STK39: variants seen among roughly 807,000 people sequenced by gnomAD.
STK39 encodes the protein serine/threonine kinase 39, also known as STE20/SPS1-related proline-alanine-rich protein kinase.
STK39 carries 20 observed loss-of-function variants against 77.8 expected under a neutral mutation model. That is an observed-to-expected ratio of 0.26 (90% CI 0.18 to 0.37). The LOEUF is 0.37. STK39 is among the 10% of genes least tolerant of loss of function. The pLI is 1.00. For missense variants in STK39, 479 were observed against 656.5 expected (o/e 0.73, Z 2.95); for synonymous variants, 246 against 234.1 (o/e 1.05, Z -0.47).
At chr2:168,199,811 C>A (rs1321779727) in intron 1 of STK39, among the ~76,000 whole-genome samples, 1 of 137,716 alleles carries the variant, frequency 7.3e-6, no homozygotes, top group Non-Finnish European at 1.5e-5. Context: ...CCGTGCCTGG[C>A]CATATTTTAA....
intron 14 of STK39, among the ~76,000 whole-genome samples, chr2:168,047,019 A>G (rs1204674572): frequency 6.6e-6 from 1 of 152,204 alleles, no homozygotes; most frequent in African/African-American, 2.4e-5. Context: ...AATGAAGAAA[A>G]AACAACTTAA....
At chr2:168,207,492 C>G (rs2105688502) in intron 1 of STK39, among the ~76,000 whole-genome samples, 1 of 152,250 alleles carries the variant, frequency 6.6e-6, no homozygotes, top group South Asian at 2.1e-4. Flanking sequence ...GAAGATACAG[C>G]AATGAAGAAA....
chr2:168,023,332 T>A (rs1359743628), intron 14 of STK39, among the ~76,000 whole-genome samples: 2 of 152,084 alleles, frequency 1.3e-5, no homozygotes, highest in Admixed American at 1.3e-4. Flanking sequence ...TGCATTAAGT[T>A]TTTCTTCTTG....
chr2:168,163,762 T>C lies in STK39; in HGVS notation c.549A>G (p.Leu183=), dbSNP rs1430329790. 1.2e-6 allele frequency: 2 copies of C among 1,613,860 alleles called. No homozygotes were observed. Among genetic ancestry groups the C allele is most frequent in the African/African-American group, 2.7e-5 (2 of 74,924 alleles). ...ACCTGTGAATCTGACCGTTTCTGTG[T>C]AGATAGTCTAAGCCTTCCAAAACCT... The part of the protein sequence containing the change: ...LKEVLEGLDY[L]HRNGQIHRDL... The change falls in exon 4 of 18, where the codon CTA becomes CTG. Residue 183 remains leucine (L), a synonymous_variant. Transcript: ENST00000355999.
chr2:168,079,503 A>G (rs1267640735), intron 10 of STK39, among the ~76,000 whole-genome samples: 1 of 152,244 alleles, frequency 6.6e-6, no homozygotes, highest in African/African-American at 2.4e-5. Flanking sequence ...TCAAGTGCGC[A>G]TGATGCCTGG....
intron 16 of STK39, among the ~76,000 whole-genome samples, chr2:167,979,750 C>G (rs1683367785): frequency 2.0e-5 from 3 of 152,120 alleles, no homozygotes; most frequent in Admixed American, 2.0e-4. Context: ...GTTCAGAAAC[C>G]CTGACTTTCT....
chr2:168,030,006 C>T (rs759652201), intron 14 of STK39, among the ~76,000 whole-genome samples: 1 of 152,022 alleles, frequency 6.6e-6, no homozygotes, highest in South Asian at 2.1e-4. Flanking sequence ...TTTGGGAGGC[C>T]GAGGTGGGCG....
At chr2:168,167,995 G>C (rs1262154420) in intron 2 of STK39, among the ~76,000 whole-genome samples, 2 of 152,182 alleles carry the variant, frequency 1.3e-5, no homozygotes, top group African/African-American at 4.8e-5. Context: ...GAGAGCGGCA[G>C]GCGAAGTAAA....
At chr2:168,242,331 G>A (rs1364321125) in intron 1 of STK39, among the ~76,000 whole-genome samples, 1 of 151,640 alleles carries the variant, frequency 6.6e-6, no homozygotes, top group Non-Finnish European at 1.5e-5. Flanking sequence ...GGAGGCTGAG[G>A]CAGGCGGGTT....
intron 1 of STK39, among the ~76,000 whole-genome samples, chr2:168,201,646 C>T (rs1689615012): frequency 6.6e-6 from 1 of 152,170 alleles, no homozygotes; most frequent in Admixed American, 6.5e-5. Context: ...GGCCATTTTT[C>T]ATCCCATTCC....
chr2:168,124,512 TG>T, intron 10 of STK39, among the ~76,000 whole-genome samples: 1 of 152,180 alleles, frequency 6.6e-6, no homozygotes, highest in Non-Finnish European at 1.5e-5. Flanking sequence ...ATGATTCTCC[TG>T]CTCAGCCTCC....
chr2:168,048,281 C>T (rs1559072607), intron 14 of STK39, among the ~76,000 whole-genome samples: 2 of 151,224 alleles, frequency 1.3e-5, no homozygotes, highest in Admixed American at 6.6e-5. Context: ...GGCACAATCT[C>T]GGCTCACTGC....
At chr2:168,229,187 T>C (rs1328049087) in intron 1 of STK39, among the ~76,000 whole-genome samples, 2 of 151,786 alleles carry the variant, frequency 1.3e-5, no homozygotes, top group African/African-American at 4.8e-5. Context: ...GGCCAAGATA[T>C]CAGCCTGGCC....
intron 1 of STK39, among the ~76,000 whole-genome samples, chr2:168,226,289 G>A (rs983570177): frequency 5.0e-5 from 7 of 140,466 alleles, no homozygotes; most frequent in East Asian, 3.9e-4. Flanking sequence ...TCCCAAGACC[G>A]AGACCCTCAA....
At chr2:168,055,310 C>T (rs370804096) in intron 14 of STK39, among the ~76,000 whole-genome samples, 3 of 152,204 alleles carry the variant, frequency 2.0e-5, no homozygotes, top group East Asian at 3.8e-4. Context: ...TGGCCAACAT[C>T]GTTTCTAACA....
chr2:167,970,422 G>C (rs955010945), intron 16 of STK39, among the ~76,000 whole-genome samples: 6 of 152,126 alleles, frequency 3.9e-5, no homozygotes, highest in African/African-American at 1.4e-4. Flanking sequence ...ACAATGTCTA[G>C]TACACCGTAT....
chr2:168,029,698 C>G (rs1684785595), intron 14 of STK39, among the ~76,000 whole-genome samples: 1 of 152,186 alleles, frequency 6.6e-6, no homozygotes, highest in Non-Finnish European at 1.5e-5. Flanking sequence ...GATTTCATGA[C>G]TGCTTTCTCC....
At chr2:168,044,611 A>G (rs1316523907) in intron 14 of STK39, among the ~76,000 whole-genome samples, 1 of 152,240 alleles carries the variant, frequency 6.6e-6, no homozygotes, top group East Asian at 1.9e-4. Flanking sequence ...GTTTAGAAAA[A>G]GAGAAGAAGA....
chr2:168,247,336 C>G lies in STK39; in HGVS notation c.100G>C (p.Ala34Pro). 1.9e-6 allele frequency: 2 copies of G among 1,043,196 alleles called. No homozygotes were observed. Among genetic ancestry groups the G allele is most frequent in the Non-Finnish European group, 2.3e-6 (2 of 864,616 alleles). 64.6% of individuals were successfully genotyped at this position (1,043,196 alleles called of 1,614,324 possible). The change falls in exon 1 of 18, where the codon GCG becomes CCG. Residue 34 changes from alanine (A) to proline (P), a missense_variant. Physicochemically the swap from Ala to Pro is conservative, Grantham distance 27 (BLOSUM62 -1). Coordinates refer to ENST00000355999, the MANE Select transcript of STK39 (RefSeq NM_013233.3). ...AAAAPAAATA[A>P]PAPAAPAAPA... ...GCCGCGGGAGCTGCCGGGGCCGGCG[C>G]TGCTGTCGCGGCCGCCGGGGCCGCC...
Sources: allele counts gnomAD v4.1 joint callset (sites outside exome capture counted in the v4.1 genomes callset), GRCh38; gene constraint gnomAD v4.1.1; transcripts MANE v1.5; gene names NCBI Gene and HGNC (gene_info 2026-07-23, HGNC 2026-07-21).